TBC1D14: variants seen among roughly 807,000 people sequenced by gnomAD.
TBC1D14 encodes the protein TBC1 domain family member 14.
TBC1D14 carries 26 observed loss-of-function variants against 79.0 expected under a neutral mutation model. The ratio of observed to expected loss-of-function variants is 0.33; its 90% CI spans 0.24 to 0.46. The LOEUF is 0.46. Among genes scored for constraint, TBC1D14 ranks in the 20% least tolerant of loss-of-function variants. TBC1D14 has a pLI of 1.00. For missense variants in TBC1D14, 769 were observed against 887.6 expected (o/e 0.87, Z 1.70); for synonymous variants, 394 against 349.9 (o/e 1.13, Z -1.40).
intron 3 of TBC1D14, 119 bp downstream of exon 3, chr4:6,967,543 T>A (rs1249657060): frequency 7.7e-7 from 1 of 1,295,474 alleles, no homozygotes; most frequent in Non-Finnish European, 1.0e-6. Flanking sequence ...ATTATCTGCA[T>A]ACCACGTTCC....
intron 9 of TBC1D14, among the ~76,000 whole-genome samples, chr4:7,008,940 C>G (rs544154946): frequency 6.6e-6 from 1 of 152,302 alleles, no homozygotes; most frequent in East Asian, 1.9e-4. Flanking sequence ...ACCGTCACCC[C>G]CACCCTAGGC....
chr4:6,958,816 C>T (rs540298970), intron 2 of TBC1D14, among the ~76,000 whole-genome samples: 108 of 152,266 alleles, frequency 7.1e-4, no homozygotes, highest in Non-Finnish European at 1.4e-3. Context: ...CCGGACACTC[C>T]TCTTGGTTCT....
chr4:6,910,062 G>T (rs1366580026), intron 1 of TBC1D14, 111 bp downstream of exon 1: 1 of 148,492 alleles, frequency 6.7e-6, no homozygotes, highest in Non-Finnish European at 1.5e-5. Flanking sequence ...CCGGGGCGAG[G>T]CAGGTCGCCG....
chr4:6,978,123 G>C (rs1290299291), intron 3 of TBC1D14, among the ~76,000 whole-genome samples: 1 of 149,730 alleles, frequency 6.7e-6, no homozygotes, highest in African/African-American at 2.5e-5. Context: ...AGGTGGGGGG[G>C]TCAGCCCCCC....
At chr4:6,985,104 T>G (rs1717705187) in intron 3 of TBC1D14, among the ~76,000 whole-genome samples, 1 of 152,224 alleles carries the variant, frequency 6.6e-6, no homozygotes, top group African/African-American at 2.4e-5. Context: ...GTGCCTCTAT[T>G]TTTTAAAAAA....
chr4:6,989,915 T>C (rs1410989339), intron 3 of TBC1D14, among the ~76,000 whole-genome samples: 1 of 152,198 alleles, frequency 6.6e-6, no homozygotes, highest in South Asian at 2.1e-4. Flanking sequence ...TGATTCCTTA[T>C]AAGCTGCCCA....
chr4:6,942,840 G>T (rs1713039587), intron 2 of TBC1D14, among the ~76,000 whole-genome samples: 1 of 152,184 alleles, frequency 6.6e-6, no homozygotes, highest in Non-Finnish European at 1.5e-5. Context: ...TTCATTCACT[G>T]TAAGTTTTTT....
chr4:6,922,269 C>T (rs965869075), intron 1 of TBC1D14, among the ~76,000 whole-genome samples: 3 of 152,090 alleles, frequency 2.0e-5, no homozygotes, highest in East Asian at 1.9e-4. Context: ...TTGCCCACGC[C>T]GCACTGACGG....
intron 2 of TBC1D14, among the ~76,000 whole-genome samples, chr4:6,927,145 TC>T (rs1163514652): frequency 6.6e-6 from 1 of 152,136 alleles, no homozygotes; most frequent in Non-Finnish European, 1.5e-5. Flanking sequence ...CATTTGTCCT[TC>T]ACCCACACTG....
intron 4 of TBC1D14, among the ~76,000 whole-genome samples, chr4:6,995,995 C>A (rs1193508512): frequency 1.3e-5 from 2 of 151,648 alleles, no homozygotes; most frequent in African/African-American, 2.4e-5. Flanking sequence ...CGCCACCATG[C>A]CCGGCTAATT....
intron 2 of TBC1D14, among the ~76,000 whole-genome samples, chr4:6,950,910 G>T (rs1401694404): frequency 2.0e-5 from 3 of 152,166 alleles, no homozygotes; most frequent in Non-Finnish European, 4.4e-5. Context: ...TATAAAATGG[G>T]TTGGGAGAGT....
At chr4:6,960,247 A>AT (rs912173712) in intron 2 of TBC1D14, among the ~76,000 whole-genome samples, 4,261 of 130,240 alleles carry the variant, frequency 0.033, 73 homozygotes, top group Middle Eastern at 0.049. Flanking sequence ...ATGCCTGGCT[A>AT]TTTTTTTTTT....
intron 10 of TBC1D14, 107 bp downstream of exon 10, chr4:7,010,055 C>T (rs764272987): frequency 1.6e-6 from 2 of 1,269,746 alleles, no homozygotes; most frequent in South Asian, 1.2e-5. Context: ...TTCGTTTTTG[C>T]CGAGGAGTAT....
At chr4:6,926,126 T>G (rs1339964717) in intron 2 of TBC1D14, among the ~76,000 whole-genome samples, 1 of 152,214 alleles carries the variant, frequency 6.6e-6, no homozygotes, top group Non-Finnish European at 1.5e-5. Context: ...CCCATTATGC[T>G]GTTGACGAAC....
intron 3 of TBC1D14, among the ~76,000 whole-genome samples, chr4:6,981,173 T>TACC (rs1349601141): frequency 6.6e-6 from 1 of 151,720 alleles, no homozygotes; most frequent in African/African-American, 2.4e-5. Context: ...TACAGGCATG[T>TACC]ACCACCACGC....
At position 7,009,937 on chromosome 4, in the gene TBC1D14, G is replaced by T. The variant is rs747537211; in HGVS notation, c.1507G>T (p.Asp503Tyr). 1 of 1,614,180 alleles carries T rather than the reference G, an allele frequency of 6.2e-7. No individual in the cohort carries two copies. Among genetic ancestry groups the T allele is most frequent in the Non-Finnish European group, 8.5e-7 (1 of 1,180,028 alleles). The change falls in exon 10 of 14, where the codon GAT (aspartate) becomes TAT (tyrosine). Residue 503 changes from aspartate (D) to tyrosine (Y), a missense_variant. Physicochemically the swap from Asp to Tyr is radical, Grantham distance 160 (BLOSUM62 -3). Around this residue, in one of 2 missense-constraint regions of TBC1D14, gnomAD observed 367 missense variants for 494.4 expected, o/e 0.74. Transcript: ENST00000409757. ...GGGCGCTTATACTTGTTACCGGCCA[G>T]ATGTGGGTTATGTAAGTGAAGTTTC... ...ILGAYTCYRP[D>Y]VGYVQGMSFI...
intron 2 of TBC1D14, among the ~76,000 whole-genome samples, chr4:6,958,008 C>T (rs998985344): frequency 3.3e-5 from 5 of 150,542 alleles, no homozygotes; most frequent in Admixed American, 6.6e-5. Flanking sequence ...ACCCTCTTGG[C>T]GATGTTAAGC....
chr4:6,937,478 TG>T (rs984026927), intron 2 of TBC1D14, among the ~76,000 whole-genome samples: 1 of 120,664 alleles, frequency 8.3e-6, no homozygotes, highest in African/African-American at 2.6e-5. Flanking sequence ...GTGAATTGGG[TG>T]GGGGCACAAA....
chr4:6,964,641 G>C (rs1715539743), intron 2 of TBC1D14, among the ~76,000 whole-genome samples: 2 of 152,126 alleles, frequency 1.3e-5, no homozygotes, highest in South Asian at 4.1e-4. Context: ...TTTGAAACAA[G>C]GTCTTGCTCT....
Sources: gnomAD v4.1 joint callset for allele counts (sites outside exome capture counted in the v4.1 genomes callset) on GRCh38, gnomAD v4.1.1 for gene constraint, gnomAD v4.1.1 regional missense constraint, MANE v1.5 for transcripts, NCBI Gene and HGNC (gene_info 2026-07-23, HGNC 2026-07-21) for gene names.